IMPG2: variants seen among roughly 807,000 people sequenced by gnomAD.
IMPG2 encodes IPM 200.
In IMPG2, 91 loss-of-function variants were observed where a neutral mutation model predicts 129.2. The observed-to-expected ratio is 0.70, with a 90% CI of 0.59 to 0.84. The LOEUF is 0.84. IMPG2 is among the 40% of genes least tolerant of loss of function. IMPG2 has a pLI of 0.00. For synonymous variants in IMPG2, 510 were observed against 517.7 expected (o/e 0.99, Z 0.20); for missense variants, 1,430 against 1,461.7 (o/e 0.98, Z 0.35).
chr3:101,281,640 A>G (rs1416448079), intron 4 of IMPG2, among the ~76,000 whole-genome samples: 1 of 152,190 alleles, frequency 6.6e-6, no homozygotes, highest in Non-Finnish European at 1.5e-5. Flanking sequence ...TAATTCCCAG[A>G]GAGGGGAATT....
At position 101,273,738 on chromosome 3, in the gene IMPG2, C is replaced by T; in HGVS notation, c.671G>A (p.Ser224Asn). Residue 224 changes from serine (S) to asparagine (N), a missense_variant, in exon 7 of 19, where the codon AGC (serine) becomes AAC (asparagine). Coordinates refer to ENST00000193391, the MANE Select transcript of IMPG2 (RefSeq NM_016247.4). ...TTCTATCACATTCTCAATTTCATTG[C>T]TAATCTGAATTTTTAGAGAAAGAAC... ...SSLERPEESI[S>N]NEIENVIEEA... 6.2e-7 allele frequency: 1 copy of T among 1,613,650 alleles called. No homozygotes were observed. Among genetic ancestry groups the T allele is most frequent in the East Asian group, 2.2e-5 (1 of 44,870 alleles).
Position 101,244,451 on chromosome 3 carries a change from G to A in IMPG2, c.1880C>T (p.Pro627Leu), listed in dbSNP as rs1706451051. ...ATCTTCAAGCCACGGCTTGGACAGT[G>A]GTTCAGCGCTCTTCTCTGATGAAGT... ...SETSSEKSAE[P>L]LSKPWLEDDD... The change falls in exon 13 of 19, where the codon CCA becomes CTA. Residue 627 changes from proline (P) to leucine (L), a missense_variant. Pro to Leu is a moderately conservative substitution (Grantham distance 98). Coordinates refer to ENST00000193391, the MANE Select transcript of IMPG2 (RefSeq NM_016247.4). The A allele has an allele frequency of 6.2e-7, 1 of 1,614,138 alleles. No homozygotes were observed.
At chr3:101,271,741 T>C (rs2107248980) in intron 7 of IMPG2, among the ~76,000 whole-genome samples, 1 of 152,282 alleles carries the variant, frequency 6.6e-6, no homozygotes, top group Non-Finnish European at 1.5e-5. Flanking sequence ...AGGTTCACTA[T>C]AACTTCTCCC....
chr3:101,256,217 G>GAAAGAACA (rs1553682324), intron 10 of IMPG2, among the ~76,000 whole-genome samples: 8 of 138,168 alleles, frequency 5.8e-5, no homozygotes, highest in African/African-American at 2.2e-4. Flanking sequence ...AAGAAAGAAA[G>GAAAGAACA]AAAAAAATAT....
chr3:101,316,188 T>G (rs1171241068), intron 2 of IMPG2, among the ~76,000 whole-genome samples: 1 of 151,944 alleles, frequency 6.6e-6, no homozygotes, highest in African/African-American at 2.4e-5. Flanking sequence ...AGAAAAAACT[T>G]TGTGATCTTG....
At chr3:101,276,630 T>C (rs1258966619) in intron 5 of IMPG2, 34 bp downstream of exon 5, 2 of 1,474,450 alleles carry the variant, frequency 1.4e-6, no homozygotes, top group Non-Finnish European at 1.9e-6. Context: ...TAAATAATTT[T>C]AAAAGAAAAG....
At chr3:101,311,174 C>G (rs1246618354) in intron 2 of IMPG2, among the ~76,000 whole-genome samples, 1 of 81,842 alleles carries the variant, frequency 1.2e-5, no homozygotes, top group Non-Finnish European at 2.8e-5. Context: ...TCTACTACAA[C>G]TAGGTAAAAA....
chr3:101,280,863 C>T (rs770390667), intron 4 of IMPG2, among the ~76,000 whole-genome samples: 9 of 151,910 alleles, frequency 5.9e-5, no homozygotes, highest in Admixed American at 1.3e-4. Flanking sequence ...GCAGGAGAAT[C>T]GCTTGAACGT....
intron 5 of IMPG2, among the ~76,000 whole-genome samples, 172 bp downstream of exon 5, chr3:101,276,492 C>T (rs1036017299): frequency 6.6e-6 from 1 of 151,916 alleles, no homozygotes; most frequent in Non-Finnish European, 1.5e-5. Flanking sequence ...AACATAATGC[C>T]ATAAAATAAA....
intron 2 of IMPG2, 32 bp from the exon 3 acceptor site, chr3:101,304,344 A>C (rs1422930602): frequency 6.3e-7 from 1 of 1,599,662 alleles, no homozygotes; most frequent in Non-Finnish European, 8.6e-7. Flanking sequence ...TTTTACAAAA[A>C]GCTAACATGC....
At chr3:101,311,980 G>T (rs1310357834) in intron 2 of IMPG2, among the ~76,000 whole-genome samples, 2 of 151,818 alleles carry the variant, frequency 1.3e-5, no homozygotes, top group South Asian at 2.1e-4. Flanking sequence ...TGGAGAACTG[G>T]ATAGCCACAT....
intron 7 of IMPG2, among the ~76,000 whole-genome samples, chr3:101,270,781 C>CATACTCCGTCTCAA (rs979699601): frequency 6.6e-5 from 10 of 152,126 alleles, no homozygotes; most frequent in Admixed American, 2.6e-4. Context: ...GCCTGGGCGA[C>CATACTCCGTCTCAA]ATACTCCGTC....
chr3:101,310,774 G>A (rs914286063), intron 2 of IMPG2, among the ~76,000 whole-genome samples: 1 of 152,060 alleles, frequency 6.6e-6, no homozygotes, highest in African/African-American at 2.4e-5. Context: ...ATATGGGAGA[G>A]CTTCCAGAAG....
rs373094984 is a variant in IMPG2 at position 101,233,040 on chromosome 3, C to T, written c.3023-49G>A. 3.2e-4 allele frequency: 493 copies of T among 1,545,516 alleles called. 1 individual carries two copies. In the Middle Eastern group the frequency reaches 4.0e-3, roughly 13 times the overall value. The stretch of plus-strand genomic sequence containing the variant: ...TGCAAGAAAAGGCAAAACACAGAAA[C>T]TGGGGTATACAAAGCCCTTCATTAA... On this transcript the variant is annotated intron_variant, in intron 14 of 18. Transcript: ENST00000193391.
chr3:101,280,743 C>T lies in IMPG2; in HGVS notation c.534-4030G>A, dbSNP rs1334449774. On this transcript the variant is annotated intron_variant, in intron 4 of 18. Transcript: ENST00000193391. ...GACGGATCACCTGAGGTCAGGAGTT[C>T]GAAACCAGCCTGGCCAACATGGCGA... 2.6e-5 allele frequency among the ~76,000 whole-genome samples: 4 copies of T among 151,958 alleles called. No homozygotes were observed. In the East Asian group the frequency reaches 5.8e-4, roughly 22 times the overall value.
intron 3 of IMPG2, 96 bp downstream of exon 3, chr3:101,304,050 C>G: frequency 7.8e-7 from 1 of 1,281,726 alleles, no homozygotes; most frequent in Non-Finnish European, 1.1e-6. Context: ...AAGAGTAATA[C>G]AGGCATTTGC....
chr3:101,283,093 G>C (rs1416628158), intron 4 of IMPG2, among the ~76,000 whole-genome samples: 1 of 152,102 alleles, frequency 6.6e-6, no homozygotes, highest in African/African-American at 2.4e-5. Context: ...CGCAATCTCG[G>C]CTCACTGCAA....
chr3:101,269,695 T>G, intron 7 of IMPG2, 122 bp from the exon 8 acceptor site: 1 of 625,450 alleles, frequency 1.6e-6, no homozygotes, highest in Non-Finnish European at 2.8e-6. Flanking sequence ...CTTATACACT[T>G]AGCTAGGCAT....
At chr3:101,248,800 T>C (rs1706512652) in intron 11 of IMPG2, among the ~76,000 whole-genome samples, 3 of 152,224 alleles carry the variant, frequency 2.0e-5, no homozygotes, top group South Asian at 4.1e-4. Context: ...GTTGTTTTCA[T>C]TGGTTCCTAT....
Sources: gnomAD v4.1 joint callset for allele counts (sites outside exome capture counted in the v4.1 genomes callset) on GRCh38, gnomAD v4.1.1 for gene constraint, MANE v1.5 for transcripts, NCBI Gene and HGNC (gene_info 2026-07-23, HGNC 2026-07-21) for gene names.